The following SLC35F3 variants were observed in gnomAD, a reference collection of about 807,000 sequenced individuals.
SLC35F3 encodes putative thiamine transporter SLC35F3.
SLC35F3 carries 25 observed loss-of-function variants against 49.9 expected under a neutral mutation model. The ratio of observed to expected loss-of-function variants is 0.50; its 90% CI spans 0.37 to 0.70. SLC35F3 has a LOEUF of 0.70. Ranked by LOEUF, SLC35F3 falls within the 30% of genes least tolerant of loss-of-function variation. SLC35F3 has a pLI of 0.00. For missense variants in SLC35F3, 525 were observed against 639.8 expected (o/e 0.82, Z 1.94); for synonymous variants, 275 against 265.4 (o/e 1.04, Z -0.35).
chr1:234,047,982 C>G (rs1387574319), intron 2 of SLC35F3, among the ~76,000 whole-genome samples: 1 of 152,046 alleles, frequency 6.6e-6, no homozygotes, highest in Non-Finnish European at 1.5e-5. Context: ...ATTCTGGTGC[C>G]ATTCTGGTGG....
chr1:234,049,396 CTG>C (rs143051426), intron 2 of SLC35F3, among the ~76,000 whole-genome samples: 3 of 151,552 alleles, frequency 2.0e-5, no homozygotes, highest in African/African-American at 7.3e-5. Context: ...TCCCCCTCTC[CTG>C]TGTGTGTGTG....
chr1:233,936,533 T>A lies in SLC35F3; in HGVS notation c.283+30775T>A, dbSNP rs560646886. On this transcript the variant is annotated intron_variant, in intron 2 of 7. Transcript: ENST00000366618. ...CTTCTTGTTCTCCTCCTCCTCCTCC[T>A]TCTTCCTCCTCCTCCTCCTCTTTCT... 7.4e-3 allele frequency among the ~76,000 whole-genome samples: 1,073 copies of A among 145,670 alleles called. 11 individuals are homozygous for A. Among genetic ancestry groups the A allele is most frequent in the African/African-American group, 0.025 (1,021 of 40,282 alleles).
At chr1:234,163,071 A>G (rs1401794181) in intron 2 of SLC35F3, among the ~76,000 whole-genome samples, 1 of 152,234 alleles carries the variant, frequency 6.6e-6, no homozygotes, top group Non-Finnish European at 1.5e-5. Flanking sequence ...CTCCTTGCAC[A>G]GACCGTTTTG....
chr1:234,069,689 T>G (rs1664684215), intron 2 of SLC35F3, among the ~76,000 whole-genome samples: 1 of 152,184 alleles, frequency 6.6e-6, no homozygotes, highest in African/African-American at 2.4e-5. Context: ...CCCAGGGTCC[T>G]CAGAACAGGG....
intron 2 of SLC35F3, among the ~76,000 whole-genome samples, chr1:234,169,206 G>A (rs1052569979): frequency 6.6e-6 from 1 of 152,126 alleles, no homozygotes; most frequent in African/African-American, 2.4e-5. Flanking sequence ...ATGCCCACCC[G>A]CATTGGCAAG....
At chr1:234,203,404 CT>C (rs1164787896) in intron 2 of SLC35F3, among the ~76,000 whole-genome samples, 1 of 152,210 alleles carries the variant, frequency 6.6e-6, no homozygotes, top group Non-Finnish European at 1.5e-5. Context: ...CCCCTTTAAA[CT>C]ATTCTTAAGC....
chr1:234,232,519 CAAAAAAAAA>C lies in SLC35F3; in HGVS notation c.608+791_608+799del, dbSNP rs536692686. 7.2e-3 allele frequency among the ~76,000 whole-genome samples: 524 copies of C among 72,366 alleles called. 4 individuals carry two copies. The highest frequency in any genetic ancestry group is 0.027 in the African/African-American group (495 of 18,256). 47.5% of individuals were successfully genotyped at this position (72,366 alleles called of 152,430 possible). A position where few individuals can be genotyped will look rare whatever the true frequency, so the allele number is the denominator to read the frequency against. ...ATGGGCGTCCCAAATCAGGCCTAGT[CAAAAAAAAA>C]AAAAAAAAAAAAGAAAAAGAAAAAA... On this transcript the variant is annotated intron_variant, in intron 3 of 7. Transcript: ENST00000366618.
At chr1:233,949,523 G>A (rs977269940) in intron 2 of SLC35F3, among the ~76,000 whole-genome samples, 2 of 152,190 alleles carry the variant, frequency 1.3e-5, no homozygotes, top group Admixed American at 6.5e-5. Flanking sequence ...TTAACCAAAA[G>A]TCAGTTCTGT....
At position 234,323,427 on chromosome 1, in the gene SLC35F3, A is replaced by G; in HGVS notation, c.*184A>G. ...TCAGACCTTCCACTTAAGGGTACCAATTCAATACAAAAGAGAAAAGAAGAA... is the reference window on the plus strand; with the variant it reads ...TCAGACCTTCCACTTAAGGGTACCAGTTCAATACAAAAGAGAAAAGAAGAA... On this transcript the variant is annotated 3_prime_UTR_variant, in exon 8 of 8. Coordinates refer to ENST00000366618, the MANE Select transcript of SLC35F3 (RefSeq NM_173508.4). This position sits in a 1 kb window ranked among gnomAD's most constrained non-coding sequence, Gnocchi z 4.5. 3.3e-6 allele frequency: 2 copies of G among 597,016 alleles called. No individual in the cohort carries two copies. The highest frequency in any genetic ancestry group is 2.1e-5 in the South Asian group (1 of 47,812). The allele number at this position is 597,016 out of a possible 1,614,324, so 37.0% of individuals were successfully genotyped here.
intron 2 of SLC35F3, among the ~76,000 whole-genome samples, chr1:233,917,690 G>A (rs533382409): frequency 3.3e-5 from 5 of 152,246 alleles, no homozygotes; most frequent in African/African-American, 1.2e-4. Context: ...TGTACATTAT[G>A]TTTGTAGAGT....
chr1:234,085,537 T>C (rs1169832496), intron 2 of SLC35F3, among the ~76,000 whole-genome samples: 2 of 152,236 alleles, frequency 1.3e-5, no homozygotes, highest in East Asian at 3.8e-4. Context: ...TTTGCACGAA[T>C]ATGGCAATCA....
At chr1:234,080,995 T>C (rs747240317) in intron 2 of SLC35F3, among the ~76,000 whole-genome samples, 41 of 152,208 alleles carry the variant, frequency 2.7e-4, no homozygotes, top group Non-Finnish European at 4.9e-4. Flanking sequence ...TCCTCCCTAC[T>C]TGCCACAATT....
chr1:234,286,434 AG>A (rs1668421219), intron 3 of SLC35F3, among the ~76,000 whole-genome samples: 1 of 152,268 alleles, frequency 6.6e-6, no homozygotes, highest in African/African-American at 2.4e-5. Context: ...CAGGTGGGAA[AG>A]GGATTTTGAT....
chr1:234,048,984 G>A (rs1174132276), intron 2 of SLC35F3, among the ~76,000 whole-genome samples: 5 of 152,074 alleles, frequency 3.3e-5, no homozygotes, highest in African/African-American at 4.8e-5. Context: ...TGTTTGACAG[G>A]TTCACAACTG....
chr1:234,092,078 A>G (rs1665050884), intron 2 of SLC35F3, among the ~76,000 whole-genome samples: 1 of 152,148 alleles, frequency 6.6e-6, no homozygotes, highest in South Asian at 2.1e-4. Context: ...CAGGAGCTGG[A>G]AGGCAGCCAA....
intron 2 of SLC35F3, among the ~76,000 whole-genome samples, chr1:234,165,262 T>C (rs1033562948): frequency 1.3e-5 from 2 of 152,206 alleles, no homozygotes; most frequent in African/African-American, 4.8e-5. Context: ...TATTATTCCA[T>C]GTCAGCAAAG....
At chr1:234,001,908 G>T (rs1368486133) in intron 2 of SLC35F3, among the ~76,000 whole-genome samples, 1 of 152,158 alleles carries the variant, frequency 6.6e-6, no homozygotes, top group Non-Finnish European at 1.5e-5. Flanking sequence ...TCATCAAGCT[G>T]TCCTAAATTT....
At chr1:234,300,939 A>G (rs1191650395) in intron 3 of SLC35F3, among the ~76,000 whole-genome samples, 4 of 152,254 alleles carry the variant, frequency 2.6e-5, no homozygotes, top group Non-Finnish European at 5.9e-5. Flanking sequence ...GAAATAATCT[A>G]TAGGCCATGG....
chr1:234,058,564 A>G (rs905843835), intron 2 of SLC35F3, among the ~76,000 whole-genome samples: 1 of 152,008 alleles, frequency 6.6e-6, no homozygotes, highest in East Asian at 1.9e-4. Context: ...AGCTGGTCTC[A>G]GAACTTCTGG....
Sources: gnomAD v4.1 joint callset for allele counts (sites outside exome capture counted in the v4.1 genomes callset) on GRCh38, gnomAD v4.1.1 for gene constraint, Gnocchi (gnomAD v3.1) non-coding constraint, MANE v1.5 for transcripts, NCBI Gene and HGNC (gene_info 2026-07-23, HGNC 2026-07-21) for gene names.